The following ZNF320 variants were observed in gnomAD, a reference collection of about 807,000 sequenced individuals.
ZNF320 encodes zinc finger protein 320, also known as zinc finger gene 320.
A neutral mutation model predicts 6.8 loss-of-function variants in ZNF320; 2 were observed. That is an observed-to-expected ratio of 0.29 (90% CI 0.12 to 0.93). ZNF320 has a LOEUF of 0.93. ZNF320 is among the 40% of genes least tolerant of loss of function. The pLI is 0.55. For synonymous variants in ZNF320, 208 were observed against 203.2 expected, an observed-to-expected ratio of 1.02 and a Z score of -0.20; for missense variants, 472 against 611.0, an observed-to-expected ratio of 0.77 and a Z score of 2.40.
chr19:52,862,907 G>A (rs376801897), exon 6 of ZNF320: 4 of 270,096 alleles, frequency 1.5e-5, no homozygotes, highest in African/African-American at 2.3e-5. Context: ...GGTGGATTCC[G>A]CCTGTAGTCT....
chr19:52,880,583 T>G lies in ZNF320; in HGVS notation c.*13A>C. The G allele has an allele frequency of 6.3e-7, 1 of 1,583,142 alleles. No homozygotes were observed. Among genetic ancestry groups the G allele is most frequent in the Non-Finnish European group, 8.6e-7 (1 of 1,166,242 alleles). ...CAACTCAAACTCAGGTCAATGCTGA[T>G]TTGACTCTGATGTCAATTAATGCTT... On this transcript the variant is annotated 3_prime_UTR_variant, in exon 6 of 6. Coordinates refer to ENST00000682928, the MANE Select transcript of ZNF320 (RefSeq NM_001351774.2).
At chr19:52,865,470 T>TATATATATATATATATATGTAA (rs1414636050) in intron 5 of ZNF320, 1 of 40,362 alleles carries the variant, frequency 2.5e-5, no homozygotes. Flanking sequence ...TATATATATA[T>TATATATATATATATATATGTAA]TACATATATA....
chr19:52,890,878 C>T lies in ZNF320; in HGVS notation c.-74+351G>A, dbSNP rs144666766. Among the ~76,000 whole-genome samples the T allele has an allele frequency of 7.7e-4, 114 of 147,928 alleles. 3 individuals are homozygous for T. In the East Asian group the frequency reaches 0.021, roughly 28 times the overall value. On this transcript the variant is annotated intron_variant, in intron 3 of 5. Coordinates refer to ENST00000682928, the MANE Select transcript of ZNF320 (RefSeq NM_001351774.2). ...AAAAATACAAAAATTGGGCCGGGCG[C>T]GGTGGCTCATGCCTGTAATACTAGC...
intron 5 of ZNF320, chr19:52,865,301 GAGA>G (rs781300447): frequency 5.2e-4 from 133 of 253,562 alleles, no homozygotes; most frequent in Middle Eastern, 1.7e-3. Flanking sequence ...CAGACTGGGT[GAGA>G]AGAACGGTAC....
At chr19:52,863,305 A>G (rs879283598) in exon 6 of ZNF320, among the ~76,000 whole-genome samples, 3 of 152,230 alleles carry the variant, frequency 2.0e-5, no homozygotes, top group Non-Finnish European at 2.9e-5. Context: ...CAGTAGAACT[A>G]AAATATGGGA....
intron 5 of ZNF320, among the ~76,000 whole-genome samples, chr19:52,865,649 ATATATGATTATACATATATAT>A (rs1467753571): frequency 5.5e-5 from 7 of 128,168 alleles, no homozygotes; most frequent in East Asian, 2.2e-4. Flanking sequence ...ATATATATTT[ATATATGATTATACATATATAT>A]TATATGATTA....
At chr19:52,866,386 A>G (rs893376696) in intron 5 of ZNF320, among the ~76,000 whole-genome samples, 1 of 151,722 alleles carries the variant, frequency 6.6e-6, no homozygotes, top group Non-Finnish European at 1.5e-5. Flanking sequence ...AACCCTCCAC[A>G]TACATGTAGT....
downstream of ZNF320, among the ~76,000 whole-genome samples, chr19:52,875,429 CAAGA>C (rs1158516491): frequency 6.6e-6 from 1 of 152,160 alleles, no homozygotes; most frequent in Non-Finnish European, 1.5e-5. Context: ...TGGACAGAGA[CAAGA>C]ATAGGTTCAA....
chr19:52,880,432 C>T lies in ZNF320; in HGVS notation c.*164G>A, dbSNP rs1048250540. 2.8e-5 allele frequency: 17 copies of T among 613,886 alleles called. No homozygotes were observed. In the East Asian group the frequency reaches 4.8e-4, roughly 17 times the overall value. 38.0% of individuals were successfully genotyped at this position (613,886 alleles called of 1,614,324 possible). On this transcript the variant is annotated 3_prime_UTR_variant, in exon 6 of 6. Coordinates refer to ENST00000682928, the MANE Select transcript of ZNF320 (RefSeq NM_001351774.2). ...GCCAGGCTGGTCTCAAATTCATGAC[C>T]TCAAGTGACCTACCTGTCTTGGCCT...
In ZNF320 at chr19:52,881,468, T is replaced by C. The variant is rs754926723; in HGVS notation, c.658A>G (p.Asn220Asp). ...IHRGDKHYTC[N>D]ECGKVFDQKA... ...TGATCAAAAACCTTGCCACATTCAT[T>C]ACATGTGTAATGTTTGTCTCCCCTG... Residue 220 changes from asparagine (N) to aspartate (D), a missense_variant, in exon 6 of 6, where the codon AAT becomes GAT. Asn to Asp is a conservative substitution (Grantham distance 23, BLOSUM62 1). Around this residue, in one of 2 missense-constraint regions of ZNF320, gnomAD observed 462 missense variants for 559.7 expected, o/e 0.83. Coordinates refer to ENST00000682928, the MANE Select transcript of ZNF320 (RefSeq NM_001351774.2). The C allele has an allele frequency of 1.9e-6, 3 of 1,614,084 alleles. No individual in the cohort carries two copies. The highest frequency in any genetic ancestry group is 2.5e-6 in the Non-Finnish European group (3 of 1,180,042).
In ZNF320 at chr19:52,877,692, G is replaced by C. The variant is rs1051150656; in HGVS notation, c.*2904C>G. ...TGTTTAGGAATAAAATGGAAGGCAG[G>C]TTTGTCTGACGCAGTTCCCAGATTG... On this transcript the variant is annotated 3_prime_UTR_variant, in exon 6 of 6. Transcript: ENST00000682928. 2 of 152,284 alleles carry C rather than the reference G, an allele frequency of 1.3e-5. No individual in the cohort carries two copies. The highest frequency in any genetic ancestry group is 1.9e-4 in the East Asian group (1 of 5,188). The allele number at this position is 152,284 out of a possible 1,614,324, so 9.4% of individuals were successfully genotyped here.
chr19:52,887,013 A>AGGAAGGAAGGAAGGAAAAG (rs1555821425), intron 5 of ZNF320, among the ~76,000 whole-genome samples: 4 of 143,248 alleles, frequency 2.8e-5, no homozygotes, highest in African/African-American at 7.9e-5. Context: ...AAGGAAAAGA[A>AGGAAGGAAGGAAGGAAAAG]AAAACAAAAC....
At position 52,876,490 on chromosome 19, in the gene ZNF320, G is replaced by T. The variant is rs2063770100; in HGVS notation, c.*4106C>A. ...TATACCAAAGCTTTCATGAGAAGCAGTTTTTTATATTACTTTAATTTTATT... is the reference window on the plus strand; with the variant it reads ...TATACCAAAGCTTTCATGAGAAGCATTTTTTTATATTACTTTAATTTTATT... On this transcript the variant is annotated 3_prime_UTR_variant, in exon 6 of 6. Transcript: ENST00000682928. 6.6e-6 allele frequency: 1 copy of T among 152,098 alleles called. No individual in the cohort carries two copies. Among genetic ancestry groups the T allele is most frequent in the African/African-American group, 2.4e-5 (1 of 41,412 alleles). The allele number at this position is 152,098 out of a possible 1,614,324, so 9.4% of individuals were successfully genotyped here.
At chr19:52,902,272 G>A (rs1010814861), upstream of ZNF320, among the ~76,000 whole-genome samples, 3 of 152,182 alleles carry the variant, frequency 2.0e-5, no homozygotes, top group South Asian at 2.1e-4. Flanking sequence ...GAAGGCCCTC[G>A]GGGGCTGATC....
chr19:52,888,926 C>A (rs983818524), intron 4 of ZNF320, among the ~76,000 whole-genome samples: 19 of 152,100 alleles, frequency 1.2e-4, no homozygotes. Flanking sequence ...TGGCTCACGT[C>A]TGTAATCCCA....
exon 6 of ZNF320, among the ~76,000 whole-genome samples, chr19:52,863,159 G>A (rs530643181): frequency 1.3e-5 from 2 of 152,146 alleles, no homozygotes; most frequent in Non-Finnish European, 2.9e-5. Context: ...AGGGTTTTGT[G>A]ATGCTGGCCA....
At chr19:52,861,807 T>A in exon 6 of ZNF320, 1 of 375,170 alleles carries the variant, frequency 2.7e-6, no homozygotes, top group Non-Finnish European at 5.3e-6. Context: ...AGGAGTGACC[T>A]CAGACTGAAA....
rs540972075 is a variant in ZNF320, at chr19:52,868,264, T to C, written c.224-4105A>G. Among the ~76,000 whole-genome samples the C allele has an allele frequency of 3.3e-5, 5 of 152,216 alleles. No homozygotes were observed. The East Asian group carries it at 9.7e-4, about 30-fold the overall frequency. ...GCTCACGCTTGTAATCCCAACACTT[T>C]GGAAGACCGCGGTGGGTGGATCACC... On this transcript the variant is annotated intron_variant, in intron 5 of 5. Transcript: ENST00000673631.
downstream of ZNF320, among the ~76,000 whole-genome samples, chr19:52,874,959 C>T (rs1005524485): frequency 6.6e-6 from 1 of 152,082 alleles, no homozygotes; most frequent in Non-Finnish European, 1.5e-5. Flanking sequence ...GCGAGGAGGA[C>T]ACAGGCAGGA....
Sources: gnomAD v4.1 joint callset for allele counts (sites outside exome capture counted in the v4.1 genomes callset) on GRCh38, gnomAD v4.1.1 for gene constraint, gnomAD v4.1.1 regional missense constraint, MANE v1.5 for transcripts, NCBI Gene and HGNC (gene_info 2026-07-23, HGNC 2026-07-21) for gene names.